The following PPFIBP2 variants were observed in gnomAD, a reference collection of about 807,000 sequenced individuals.
PPFIBP2 encodes the protein PPFIB scaffold protein 2.
A neutral mutation model predicts 118.3 loss-of-function variants in PPFIBP2; 118 were observed. The observed-to-expected ratio is 1.00, with a 90% CI of 0.86 to 1.16. The LOEUF (loss-of-function observed/expected upper bound fraction) is 1.16. Ranked by LOEUF, PPFIBP2 falls within the 50% of genes most tolerant of loss-of-function variation. The probability of loss-of-function intolerance (pLI) is 0.00; values close to 1 mark genes in which losing one functional copy is unlikely to be tolerated. For missense variants in PPFIBP2, 1,195 were observed against 1,073.1 expected (o/e 1.11, Z -1.59); for synonymous variants, 414 against 397.4 (o/e 1.04, Z -0.50).
chr11:7,521,737 G>A (rs1291014453), intron 1 of PPFIBP2, among the ~76,000 whole-genome samples: 1 of 152,232 alleles, frequency 6.6e-6, no homozygotes, highest in East Asian at 1.9e-4. Flanking sequence ...AGGAGTCTGT[G>A]GTAGATATGG....
chr11:7,616,121 C>A lies in PPFIBP2; in HGVS notation c.619-4814C>A, dbSNP rs1848610379. Among the ~76,000 whole-genome samples the A allele has an allele frequency of 6.6e-6, 1 of 152,112 alleles. No homozygotes were observed. The highest frequency in any genetic ancestry group is 2.4e-5 in the African/African-American group (1 of 41,402). ...AACTAAAGGACAATGCTGAGGACAA[C>A]ACAAAGCCATACACACACATACACA... On this transcript the variant is annotated intron_variant, in intron 6 of 23. Transcript: ENST00000299492. The surrounding 1 kb of genome is among the most constrained non-coding windows in gnomAD (Gnocchi z 5.2).
intron 4 of PPFIBP2, chr11:7,597,123 C>T: frequency 2.1e-6 from 3 of 1,408,956 alleles, no homozygotes; most frequent in Non-Finnish European, 2.8e-6. Flanking sequence ...TCCTCACACC[C>T]TTATGAGAGA....
At chr11:7,541,065 C>T (rs1460981050) in intron 1 of PPFIBP2, among the ~76,000 whole-genome samples, 2 of 152,166 alleles carry the variant, frequency 1.3e-5, no homozygotes, top group African/African-American at 4.8e-5. Context: ...GGCTGGTGGC[C>T]AGCCCCTGAG....
At chr11:7,570,794 A>G (rs1855574821) in intron 3 of PPFIBP2, among the ~76,000 whole-genome samples, 1 of 147,142 alleles carries the variant, frequency 6.8e-6, no homozygotes, top group East Asian at 2.0e-4. Context: ...CCCTGGCTCT[A>G]CCACTCATGA....
intron 5 of PPFIBP2, among the ~76,000 whole-genome samples, chr11:7,603,812 T>C (rs564394523): frequency 6.6e-6 from 1 of 152,148 alleles, no homozygotes; most frequent in Admixed American, 6.6e-5. Flanking sequence ...TAAACCTTTA[T>C]TACCCAGTTT....
At chr11:7,598,320 C>A in intron 5 of PPFIBP2, 2 of 271,600 alleles carry the variant, frequency 7.4e-6, no homozygotes, top group South Asian at 7.3e-5. Context: ...GCTGTATTGT[C>A]ATCTTTACTA....
At chr11:7,519,226 G>A (rs898188746) in intron 1 of PPFIBP2, among the ~76,000 whole-genome samples, 2 of 152,070 alleles carry the variant, frequency 1.3e-5, no homozygotes, top group African/African-American at 4.8e-5. Flanking sequence ...AGAGGGAGAG[G>A]TAGAGTCTGG....
chr11:7,536,254 C>T (rs185962724), intron 1 of PPFIBP2, among the ~76,000 whole-genome samples: 2 of 152,250 alleles, frequency 1.3e-5, no homozygotes, highest in Non-Finnish European at 2.9e-5. Context: ...GAAATGGGAA[C>T]ACAAGCGGCT....
At chr11:7,610,452 C>G (rs1313838598) in intron 6 of PPFIBP2, 30 bp downstream of exon 6, 2 of 1,605,324 alleles carry the variant, frequency 1.2e-6, no homozygotes, top group Non-Finnish European at 1.7e-6. Context: ...GTCCTAAGCT[C>G]AGACCTGGGA....
chr11:7,542,635 A>G (rs532592831), intron 1 of PPFIBP2, among the ~76,000 whole-genome samples: 4 of 152,314 alleles, frequency 2.6e-5, no homozygotes, highest in Admixed American at 2.6e-4. Context: ...GAATTAAACA[A>G]AGTCTTCACC....
downstream of PPFIBP2, chr11:7,655,585 C>T (rs1854608825): frequency 1.8e-6 from 2 of 1,083,504 alleles, no homozygotes; most frequent in Middle Eastern, 4.7e-4. Flanking sequence ...ATGCACAAGG[C>T]CTGGGGGACG....
At chr11:7,523,450 CT>C (rs1362702496) in intron 1 of PPFIBP2, among the ~76,000 whole-genome samples, 1 of 152,188 alleles carries the variant, frequency 6.6e-6, no homozygotes, top group Admixed American at 6.5e-5. Flanking sequence ...TCAAACTTCC[CT>C]TTCTCTTTTG....
intron 1 of PPFIBP2, among the ~76,000 whole-genome samples, chr11:7,529,795 T>C (rs1398528874): frequency 4.6e-5 from 7 of 152,248 alleles, no homozygotes; most frequent in Non-Finnish European, 1.0e-4. Context: ...CAGGTCACCT[T>C]GTGACCCTCG....
At chr11:7,610,219 G>A (rs961331084) in intron 5 of PPFIBP2, 72 bp from the exon 6 acceptor site, 1 of 1,526,314 alleles carries the variant, frequency 6.6e-7, no homozygotes, top group Non-Finnish European at 9.0e-7. Context: ...TGCCTTATGT[G>A]CTGTAAATGA....
chr11:7,633,353 T>G (rs1303845060), intron 12 of PPFIBP2, among the ~76,000 whole-genome samples: 1 of 152,202 alleles, frequency 6.6e-6, no homozygotes, highest in Non-Finnish European at 1.5e-5. Flanking sequence ...TAGCAATTGG[T>G]CTAATTGCTT....
chr11:7,553,893 G>T (rs1159585801), intron 2 of PPFIBP2, among the ~76,000 whole-genome samples: 1 of 152,174 alleles, frequency 6.6e-6, no homozygotes, highest in African/African-American at 2.4e-5. Flanking sequence ...TAGGAGAAAA[G>T]AATTAACTGA....
At chr11:7,584,709 C>T (rs915259494) in intron 3 of PPFIBP2, among the ~76,000 whole-genome samples, 2 of 152,218 alleles carry the variant, frequency 1.3e-5, no homozygotes, top group African/African-American at 4.8e-5. Flanking sequence ...CAGGAATTGA[C>T]TGTAGCTTTT....
chr11:7,596,144 T>G (rs1402805086), intron 4 of PPFIBP2, among the ~76,000 whole-genome samples: 1 of 152,208 alleles, frequency 6.6e-6, no homozygotes, highest in Non-Finnish European at 1.5e-5. Context: ...CACCAACACA[T>G]GGCCTCAAGG....
chr11:7,554,484 C>CA (rs899777784), intron 2 of PPFIBP2, among the ~76,000 whole-genome samples: 15 of 151,606 alleles, frequency 9.9e-5, no homozygotes, highest in African/African-American at 3.1e-4. Flanking sequence ...GCTTTTAGTG[C>CA]AAAAAAAAGT....
Sources: allele counts gnomAD v4.1 joint callset (sites outside exome capture counted in the v4.1 genomes callset), GRCh38; gene constraint gnomAD v4.1.1; non-coding constraint Gnocchi (gnomAD v3.1); transcripts MANE v1.5; gene names NCBI Gene and HGNC (gene_info 2026-07-23, HGNC 2026-07-21).